Variants in RDH10 observed in about 807,000 individuals in gnomAD.
RDH10 encodes the protein retinol dehydrogenase 10 (all-trans).
A neutral mutation model predicts 30.2 loss-of-function variants in RDH10; 12 were observed. The observed-to-expected ratio is 0.40, with a 90% CI of 0.25 to 0.64. The LOEUF (loss-of-function observed/expected upper bound fraction) is 0.64. RDH10 is among the 30% of genes least tolerant of loss of function. RDH10 has a pLI of 0.43. For missense variants in RDH10, 268 were observed against 445.2 expected (o/e 0.60, Z 3.58); for synonymous variants, 189 against 172.2 (o/e 1.10, Z -0.76).
Position 73,295,547 on chromosome 8 carries a change from C to T in RDH10, c.258C>T (p.Asp86=), listed in dbSNP as rs1442086057. The change falls in exon 1 of 6, where the codon GAC becomes GAT. Residue 86 remains aspartate (D), a synonymous_variant. Transcript: ENST00000240285. Reference sequence around the variant, plus strand: ...GCATGGTGCGCCACATCTACCGCGACCTGGAGGCGGCCGACGCCGCTGCGC... The same window carrying T: ...GCATGGTGCGCCACATCTACCGCGATCTGGAGGCGGCCGACGCCGCTGCGC... The part of the protein sequence containing the change: ...TAGMVRHIYR[D]LEAADAAALQ... The T allele has an allele frequency of 6.5e-7, 1 of 1,544,158 alleles. No individual in the cohort carries two copies. The highest frequency in any genetic ancestry group is 8.7e-7 in the Non-Finnish European group (1 of 1,146,336).
At chr8:73,310,062 G>A (rs1814536397) in intron 2 of RDH10, among the ~76,000 whole-genome samples, 1 of 152,160 alleles carries the variant, frequency 6.6e-6, no homozygotes. Flanking sequence ...TGGTATAATT[G>A]GTCTGAGAGG....
Position 73,319,211 on chromosome 8 carries a change from G to A in RDH10, c.624+17G>A. 1.3e-6 allele frequency: 2 copies of A among 1,558,102 alleles called. No individual in the cohort carries two copies. Among genetic ancestry groups the A allele is most frequent in the Non-Finnish European group, 8.8e-7 (1 of 1,130,600 alleles). ...GGAGTTGAGGTTTGTCAGATATATA[G>A]CATTTCTTTCGTTCAATCTGTTTAT... On this transcript the variant is annotated intron_variant, in intron 3 of 5. Coordinates refer to ENST00000240285, the MANE Select transcript of RDH10 (RefSeq NM_172037.5).
chr8:73,316,687 C>T (rs1003754992), intron 2 of RDH10, among the ~76,000 whole-genome samples: 8 of 152,142 alleles, frequency 5.3e-5, no homozygotes, highest in Admixed American at 6.5e-5. Context: ...AATTGGCTCA[C>T]GGTTCTGCAG....
At chr8:73,313,650 G>A (rs1381101850) in intron 2 of RDH10, among the ~76,000 whole-genome samples, 2 of 152,066 alleles carry the variant, frequency 1.3e-5, no homozygotes, top group East Asian at 3.9e-4. Flanking sequence ...TCTAAATTCT[G>A]TAAACTTCCT....
intron 2 of RDH10, among the ~76,000 whole-genome samples, chr8:73,315,149 T>C (rs1228625460): frequency 2.2e-5 from 3 of 136,164 alleles, no homozygotes; most frequent in Non-Finnish European, 4.8e-5. Context: ...CGGCCTCCTC[T>C]CTCTCTCTCT....
At chr8:73,304,289 C>T (rs979228738) in intron 2 of RDH10, among the ~76,000 whole-genome samples, 7 of 152,182 alleles carry the variant, frequency 4.6e-5, no homozygotes, top group African/African-American at 1.7e-4. Context: ...CTCCAGCCTG[C>T]GTACATTCAT....
In RDH10 at chr8:73,295,595, C is replaced by G; in HGVS notation, c.289+17C>G. ...CGCTGCAAGGTAACCTGGACCCGCG[C>G]GGGAGCATTGTTGGGTCAAGCCTCT... On this transcript the variant is annotated intron_variant, in intron 1 of 5. Transcript: ENST00000240285. 2 of 1,478,354 alleles carry G rather than the reference C, an allele frequency of 1.4e-6. No individual in the cohort carries two copies. The highest frequency in any genetic ancestry group is 9.0e-7 in the Non-Finnish European group (1 of 1,116,682). The allele number at this position is 1,478,354 out of a possible 1,614,324, so 91.6% of individuals were successfully genotyped here.
At chr8:73,311,532 G>A (rs1368020765) in intron 2 of RDH10, 3 of 152,272 alleles carry the variant, frequency 2.0e-5, no homozygotes, top group East Asian at 3.9e-4. Flanking sequence ...TAGCTTCTTG[G>A]TTGCAGGGCA....
intron 2 of RDH10, among the ~76,000 whole-genome samples, chr8:73,318,417 C>G (rs1814711938): frequency 6.6e-6 from 1 of 152,226 alleles, no homozygotes; most frequent in Admixed American, 6.5e-5. Flanking sequence ...GCATCTGTGG[C>G]AGAGTCCCTG....
intron 1 of RDH10, 131 bp downstream of exon 1, chr8:73,295,709 T>A (rs1035686280): frequency 9.7e-7 from 1 of 1,027,502 alleles, no homozygotes; most frequent in Non-Finnish European, 1.3e-6. Flanking sequence ...ACCGGTCTTT[T>A]GGGAGACGAG....
chr8:73,319,870 T>G (rs535634135), intron 3 of RDH10, among the ~76,000 whole-genome samples: 53 of 152,372 alleles, frequency 3.5e-4, no homozygotes, highest in Non-Finnish European at 7.3e-4. Flanking sequence ...AACCCTGTTC[T>G]TCACGATATT....
intron 2 of RDH10, among the ~76,000 whole-genome samples, chr8:73,304,489 T>C (rs1814435165): frequency 6.6e-6 from 1 of 152,258 alleles, no homozygotes. Context: ...GAGTTTGTTA[T>C]CTGCCTGCTT....
chr8:73,301,677 A>G (rs1313547921), intron 2 of RDH10, among the ~76,000 whole-genome samples: 1 of 152,036 alleles, frequency 6.6e-6, no homozygotes, highest in Non-Finnish European at 1.5e-5. Context: ...AATTGTTTGA[A>G]CCCGGGAGGC....
chr8:73,294,869 C>A lies in RDH10; in HGVS notation c.-421C>A. The A allele has an allele frequency of 2.5e-6, 1 of 392,694 alleles. No homozygotes were observed. Among genetic ancestry groups the A allele is most frequent in the East Asian group, 3.6e-5 (1 of 27,706 alleles). 24.3% of individuals were successfully genotyped at this position (392,694 alleles called of 1,614,324 possible). A position where few individuals can be genotyped will look rare whatever the true frequency, so the allele number is the denominator to read the frequency against. On this transcript the variant is annotated 5_prime_UTR_variant, in exon 1 of 6. Coordinates refer to ENST00000240285, the MANE Select transcript of RDH10 (RefSeq NM_172037.5). ...GCCCGTGCCGCCTCCGCTGCGCACC[C>A]CTCCCCCGGGGTGAGAGGGAGCCGG...
chr8:73,315,422 A>G, intron 2 of RDH10: 2 of 302,902 alleles, frequency 6.6e-6, no homozygotes, highest in South Asian at 2.8e-5. Flanking sequence ...CTCCTTATGG[A>G]CAAACTGGAA....
chr8:73,311,105 A>G (rs1488673010), intron 2 of RDH10: 1 of 152,160 alleles, frequency 6.6e-6, no homozygotes, highest in African/African-American at 2.4e-5. Flanking sequence ...TGACCTCAGT[A>G]TTCGGGGTGT....
At chr8:73,297,682 A>C (rs1339338326) in intron 2 of RDH10, 1 of 374,982 alleles carries the variant, frequency 2.7e-6, no homozygotes, top group Non-Finnish European at 5.0e-6. Context: ...AGTTTGAAAG[A>C]TTGCCATAAA....
chr8:73,302,156 G>A (rs1302284746), intron 2 of RDH10, among the ~76,000 whole-genome samples: 4 of 152,172 alleles, frequency 2.6e-5, no homozygotes, highest in Non-Finnish European at 5.9e-5. Flanking sequence ...CCAGTCTGCT[G>A]TGACGCTTCA....
intron 2 of RDH10, among the ~76,000 whole-genome samples, chr8:73,302,791 T>C (rs1814402037): frequency 6.6e-6 from 1 of 152,232 alleles, no homozygotes; most frequent in Admixed American, 6.5e-5. Context: ...TTGCTTTACT[T>C]GTTATTTTTT....
Sources: allele counts gnomAD v4.1 joint callset (sites outside exome capture counted in the v4.1 genomes callset), GRCh38; gene constraint gnomAD v4.1.1; transcripts MANE v1.5; gene names NCBI Gene and HGNC (gene_info 2026-07-23, HGNC 2026-07-21).